The following ZRANB3 variants were observed in gnomAD, a reference collection of about 807,000 sequenced individuals.
The protein encoded by ZRANB3 is DNA annealing helicase and endonuclease ZRANB3.
A neutral mutation model predicts 133.8 loss-of-function variants in ZRANB3; 125 were observed. That is an observed-to-expected ratio of 0.93 (90% CI 0.81 to 1.08). The LOEUF (loss-of-function observed/expected upper bound fraction) is 1.08. Ranked by LOEUF, ZRANB3 falls within the 50% of genes least tolerant of loss-of-function variation. ZRANB3 has a pLI of 0.00. For missense variants in ZRANB3, 1,229 were observed against 1,275.5 expected (o/e 0.96, Z 0.56); for synonymous variants, 387 against 432.7 (o/e 0.89, Z 1.31).
chr2:135,279,918 G>A (rs1681017411), intron 8 of ZRANB3, among the ~76,000 whole-genome samples: 1 of 152,138 alleles, frequency 6.6e-6, no homozygotes, highest in Admixed American at 6.6e-5. Flanking sequence ...GAACTTTTGG[G>A]ATTCTCTTAG....
intron 3 of ZRANB3, among the ~76,000 whole-genome samples, chr2:135,374,181 C>T (rs1157819669): frequency 6.6e-6 from 1 of 152,080 alleles, no homozygotes; most frequent in Non-Finnish European, 1.5e-5. Flanking sequence ...CCAAGGTGGG[C>T]GGATCACCTG....
chr2:135,291,683 G>A (rs1311114681), intron 8 of ZRANB3, among the ~76,000 whole-genome samples: 1 of 151,664 alleles, frequency 6.6e-6, no homozygotes, highest in Admixed American at 6.6e-5. Context: ...CCATGTTGGT[G>A]TGCTGCACCC....
chr2:135,398,614 G>T (rs1033521929), intron 2 of ZRANB3, among the ~76,000 whole-genome samples: 4 of 147,378 alleles, frequency 2.7e-5, no homozygotes, highest in African/African-American at 1.0e-4. Context: ...CGCCTCCTGG[G>T]TTTACGCCAT....
intron 2 of ZRANB3, among the ~76,000 whole-genome samples, chr2:135,428,402 G>A (rs572028630): frequency 1.3e-5 from 2 of 148,640 alleles, no homozygotes; most frequent in Admixed American, 6.7e-5. Context: ...CTCCAGCCTG[G>A]GTGACAGAGT....
chr2:135,283,417 T>G (rs758579605), intron 8 of ZRANB3, among the ~76,000 whole-genome samples: 1 of 152,120 alleles, frequency 6.6e-6, no homozygotes, highest in Non-Finnish European at 1.5e-5. Flanking sequence ...GAGACCATCC[T>G]GGCTAACATG....
intron 2 of ZRANB3, among the ~76,000 whole-genome samples, chr2:135,493,147 ATATATATATATATATATATATATAT>A (rs1234049372): frequency 2.8e-5 from 2 of 70,236 alleles, no homozygotes; most frequent in African/African-American, 6.8e-5. Context: ...ATATATATAT[ATATATATATATATATATATATATAT>A]AAATAGAAAA....
At chr2:135,340,190 C>T (rs1032502481) in intron 6 of ZRANB3, among the ~76,000 whole-genome samples, 1 of 151,356 alleles carries the variant, frequency 6.6e-6, no homozygotes, top group Non-Finnish European at 1.5e-5. Flanking sequence ...ACTACAACCT[C>T]CGCCTCCTCA....
intron 2 of ZRANB3, among the ~76,000 whole-genome samples, chr2:135,449,768 C>CT (rs896137421): frequency 6.6e-6 from 1 of 152,106 alleles, no homozygotes; most frequent in Non-Finnish European, 1.5e-5. Context: ...CCATTTCTTT[C>CT]TTTTTTTGAG....
At chr2:135,364,821 C>T (rs901321104) in intron 3 of ZRANB3, among the ~76,000 whole-genome samples, 3 of 151,478 alleles carry the variant, frequency 2.0e-5, no homozygotes, top group East Asian at 2.0e-4. Context: ...GAGGCCGAGG[C>T]GGGCAGATCA....
At chr2:135,363,288 C>A (rs1485468787) in intron 3 of ZRANB3, among the ~76,000 whole-genome samples, 4 of 152,166 alleles carry the variant, frequency 2.6e-5, no homozygotes, top group African/African-American at 7.2e-5. Flanking sequence ...CTGCCTCAGC[C>A]TCCCAAGTAG....
At chr2:135,433,798 C>T (rs1247277391) in intron 2 of ZRANB3, among the ~76,000 whole-genome samples, 1 of 152,032 alleles carries the variant, frequency 6.6e-6, no homozygotes, top group African/African-American at 2.4e-5. Context: ...AGATCGAGAC[C>T]ATCTTGGCCA....
chr2:135,268,857 C>CTTAAA, intron 11 of ZRANB3, 105 bp downstream of exon 11: 1 of 1,081,802 alleles, frequency 9.2e-7, no homozygotes, highest in Non-Finnish European at 1.3e-6. Flanking sequence ...TCTTGATGTG[C>CTTAAA]TTAAGTATCC....
At chr2:135,283,385 T>A (rs576443581) in intron 8 of ZRANB3, among the ~76,000 whole-genome samples, 1 of 151,906 alleles carries the variant, frequency 6.6e-6, no homozygotes, top group Non-Finnish European at 1.5e-5. Flanking sequence ...CTGAGGCAGG[T>A]GGATCACGAG....
chr2:135,396,864 C>T (rs1396056273), intron 2 of ZRANB3, among the ~76,000 whole-genome samples: 1 of 151,914 alleles, frequency 6.6e-6, no homozygotes, highest in Non-Finnish European at 1.5e-5. Context: ...GATACATCTG[C>T]TTATTATGCA....
chr2:135,214,988 G>A (rs1694245728), intron 17 of ZRANB3, among the ~76,000 whole-genome samples: 1 of 152,226 alleles, frequency 6.6e-6, no homozygotes, highest in African/African-American at 2.4e-5. Flanking sequence ...CACGATCACA[G>A]CTTATCGCAG....
intron 6 of ZRANB3, among the ~76,000 whole-genome samples, chr2:135,337,293 C>G (rs191844493): frequency 6.6e-6 from 1 of 152,330 alleles, no homozygotes; most frequent in Admixed American, 6.5e-5. Context: ...ATGCTTGGCA[C>G]AAGACCAACC....
intron 2 of ZRANB3, among the ~76,000 whole-genome samples, chr2:135,427,520 TCAA>T (rs1689145100): frequency 6.6e-6 from 1 of 152,058 alleles, no homozygotes; most frequent in Non-Finnish European, 1.5e-5. Context: ...GTGAAAGATC[TCAA>T]CAACAAGAAT....
At chr2:135,456,622 A>G (rs1690530351) in intron 2 of ZRANB3, among the ~76,000 whole-genome samples, 1 of 152,186 alleles carries the variant, frequency 6.6e-6, no homozygotes, top group Non-Finnish European at 1.5e-5. Context: ...CATCCCGAGA[A>G]TGCCAGCCAT....
At chr2:135,521,875 T>C (rs1693957264) in intron 1 of ZRANB3, among the ~76,000 whole-genome samples, 1 of 152,066 alleles carries the variant, frequency 6.6e-6, no homozygotes, top group South Asian at 2.1e-4. Context: ...ATAAGGATAT[T>C]CTAGAGAGTG....
Sources: gnomAD v4.1 joint callset for allele counts (sites outside exome capture counted in the v4.1 genomes callset) on GRCh38, gnomAD v4.1.1 for gene constraint, MANE v1.5 for transcripts, NCBI Gene and HGNC (gene_info 2026-07-23, HGNC 2026-07-21) for gene names.